ZNF578: variants seen among roughly 807,000 people sequenced by gnomAD.
ZNF578 encodes the protein zinc finger protein 578.
ZNF578 carries 8 observed loss-of-function variants against 8.3 expected under a neutral mutation model. That is an observed-to-expected ratio of 0.96 (90% CI 0.56 to 1.74). ZNF578 has a LOEUF of 1.74. Among genes scored for constraint, ZNF578 ranks in the 40% most tolerant of loss-of-function variants. The probability of loss-of-function intolerance (pLI) is 0.00; values close to 1 mark genes in which losing one functional copy is unlikely to be tolerated. For missense variants in ZNF578, 726 were observed against 707.5 expected (o/e 1.03, Z -0.30); for synonymous variants, 206 against 232.2 (o/e 0.89, Z 1.03).
intron 2 of ZNF578, among the ~76,000 whole-genome samples, chr19:52,460,313 A>G: frequency 2.6e-5 from 1 of 38,494 alleles, no homozygotes; most frequent in African/African-American, 4.4e-5. Flanking sequence ...CCTCTCCAAC[A>G]CTTTTTTTTT....
At chr19:52,455,193 C>CTTTTTTTTTTTTT (rs10607252) in intron 1 of ZNF578, 3 of 98,400 alleles carry the variant, frequency 3.0e-5, no homozygotes, top group African/African-American at 1.2e-4. Flanking sequence ...GCCTTTCTAT[C>CTTTTTTTTTTTTT]TTTTTTTTTT....
chr19:52,494,087 G>A (rs1443837958), intron 3 of ZNF578, among the ~76,000 whole-genome samples: 2 of 151,634 alleles, frequency 1.3e-5, no homozygotes, highest in Non-Finnish European at 2.9e-5. Context: ...GGAGAGGAGA[G>A]GGGTACAAAA....
rs1171598976 is a variant in ZNF578, at chr19:52,511,779, G to A, written c.1398G>A (p.Gln466=). The A allele has an allele frequency of 1.9e-6, 3 of 1,610,882 alleles. No individual in the cohort carries two copies. In the East Asian group the frequency reaches 6.8e-5, roughly 36 times the overall value. ...AAGAATGTGACAGAGTTTTCAGTCA[G>A]AAATCAAACCTTGAGAGACACAAGA... ...KCEECDRVFS[Q]KSNLERHKII... The change falls in exon 6 of 6, where the codon CAG becomes CAA. Residue 466 remains glutamine (Q), a synonymous_variant. Transcript: ENST00000421239.
chr19:52,502,022 C>G, intron 4 of ZNF578, 114 bp downstream of exon 4: 1 of 1,482,188 alleles, frequency 6.7e-7, no homozygotes, highest in South Asian at 1.3e-5. Flanking sequence ...GAGTCTGAAG[C>G]ATTTTGCCTG....
At chr19:52,486,906 G>A (rs1193682997) in intron 2 of ZNF578, among the ~76,000 whole-genome samples, 2 of 151,786 alleles carry the variant, frequency 1.3e-5, no homozygotes, top group Non-Finnish European at 2.9e-5. Flanking sequence ...GGGAAGAAAG[G>A]GATAAACGGC....
chr19:52,479,527 A>G (rs1318980828), intron 2 of ZNF578, among the ~76,000 whole-genome samples: 1 of 135,574 alleles, frequency 7.4e-6, no homozygotes, highest in East Asian at 2.5e-4. Context: ...TGGGAGACAG[A>G]GCGAGACTCC....
rs2059444329 is a variant in ZNF578 at position 52,511,200 on chromosome 19, C to T, written c.819C>T (p.Tyr273=). ...ICGKVFNEKR[Y]LARHRRCHTS... is the part of the protein sequence containing the mutation. ...GCAAAGTCTTTAATGAGAAGCGATA[C>T]CTTGCACGCCATCGTAGATGTCACA... Residue 273 remains tyrosine, a synonymous_variant, in exon 6 of 6, where the codon TAC becomes TAT. Coordinates refer to ENST00000421239, the MANE Select transcript of ZNF578 (RefSeq NM_001099694.2). The T allele has an allele frequency of 3.7e-6, 6 of 1,614,090 alleles. No individual in the cohort carries two copies. The highest frequency in any genetic ancestry group is 5.1e-6 in the Non-Finnish European group (6 of 1,180,046).
At chr19:52,460,441 T>G (rs1380211949) in intron 2 of ZNF578, among the ~76,000 whole-genome samples, 1 of 152,208 alleles carries the variant, frequency 6.6e-6, no homozygotes, top group Non-Finnish European at 1.5e-5. Context: ...TTGGCCATAT[T>G]GTCATCTTCT....
chr19:52,486,345 G>A (rs1037948843), intron 2 of ZNF578, among the ~76,000 whole-genome samples: 3 of 152,174 alleles, frequency 2.0e-5, no homozygotes, highest in African/African-American at 7.2e-5. Context: ...AGGGAACTCA[G>A]AGACCAGTGC....
At chr19:52,502,397 T>G (rs1303702147) in intron 4 of ZNF578, among the ~76,000 whole-genome samples, 1 of 152,150 alleles carries the variant, frequency 6.6e-6, no homozygotes, top group Admixed American at 6.6e-5. Flanking sequence ...GCCACACTAG[T>G]AGATCAAGAT....
chr19:52,478,980 C>T (rs890249956), intron 2 of ZNF578, among the ~76,000 whole-genome samples: 7 of 151,610 alleles, frequency 4.6e-5, no homozygotes, highest in African/African-American at 1.7e-4. Context: ...TCCCAAAGTG[C>T]TGGGATTACA....
chr19:52,481,289 G>C (rs1215784561), intron 2 of ZNF578, among the ~76,000 whole-genome samples: 1 of 152,162 alleles, frequency 6.6e-6, no homozygotes, highest in Non-Finnish European at 1.5e-5. Context: ...TCCTATCCCT[G>C]TGTATGGGTG....
rs754822116 is a variant in ZNF578 at position 52,510,843 on chromosome 19, T to A, written c.462T>A (p.Asp154Glu). 2 of 1,614,198 alleles carry A rather than the reference T, an allele frequency of 1.2e-6. No individual in the cohort carries two copies. The highest frequency in any genetic ancestry group is 4.5e-5 in the East Asian group (2 of 44,876). ...ATGCTGGAAACAAGCCTATTAAAGATCAGCTTGGATTAAGCTTTCATTTGC... is the reference window on the plus strand; with the variant it reads ...ATGCTGGAAACAAGCCTATTAAAGAACAGCTTGGATTAAGCTTTCATTTGC... The part of the protein sequence containing the change: ...QRHAGNKPIK[D>E]QLGLSFHLHL... The change falls in exon 6 of 6, where the codon GAT (aspartate) becomes GAA (glutamate). Residue 154 changes from aspartate (D) to glutamate (E), a missense_variant. Coordinates refer to ENST00000421239, the MANE Select transcript of ZNF578 (RefSeq NM_001099694.2).
chr19:52,468,670 A>G (rs1338550588), intron 2 of ZNF578, among the ~76,000 whole-genome samples: 4 of 152,234 alleles, frequency 2.6e-5, no homozygotes, highest in Admixed American at 1.3e-4. Context: ...CATTTGAGTC[A>G]GTGGACTAGG....
intron 2 of ZNF578, among the ~76,000 whole-genome samples, chr19:52,460,923 A>G (rs993929107): frequency 1.3e-5 from 2 of 152,164 alleles, no homozygotes; most frequent in African/African-American, 4.8e-5. Flanking sequence ...CACCGTTGCT[A>G]TCATGGCTTG....
Position 52,513,166 on chromosome 19 carries a change from A to G in ZNF578, c.*1012A>G, listed in dbSNP as rs2059456480. The stretch of plus-strand genomic sequence containing the variant: ...CTCCCTAGTTGCTGGGATTACAGGT[A>G]TATGCCACGACGCCTGGCTAATTTT... On this transcript the variant is annotated 3_prime_UTR_variant, in exon 6 of 6. Coordinates refer to ENST00000421239, the MANE Select transcript of ZNF578 (RefSeq NM_001099694.2). Among the ~76,000 whole-genome samples the G allele has an allele frequency of 6.6e-6, 1 of 151,902 alleles. No homozygotes were observed. The highest frequency in any genetic ancestry group is 6.6e-5 in the Admixed American group (1 of 15,236).
rs1266252004 is a variant in ZNF578, at chr19:52,512,807, G to C, written c.*653G>C. On this transcript the variant is annotated 3_prime_UTR_variant, in exon 6 of 6. Coordinates refer to ENST00000421239, the MANE Select transcript of ZNF578 (RefSeq NM_001099694.2). ...AAACCATCAAGCATTAATTGACATT[G>C]GAGTCAATTCAGCATTGACTTGAGT... Among the ~76,000 whole-genome samples, 2 of 152,154 alleles carry C rather than the reference G, an allele frequency of 1.3e-5. No individual in the cohort carries two copies. The highest frequency in any genetic ancestry group is 4.8e-5 in the African/African-American group (2 of 41,428).
intron 3 of ZNF578, among the ~76,000 whole-genome samples, chr19:52,496,767 AGTT>A (rs2059388367): frequency 6.6e-6 from 1 of 151,770 alleles, no homozygotes. Context: ...CCTCCTAAGT[AGTT>A]ATGATTACAG....
intron 2 of ZNF578, among the ~76,000 whole-genome samples, chr19:52,460,988 C>G (rs1408931330): frequency 6.6e-6 from 1 of 152,134 alleles, no homozygotes; most frequent in Non-Finnish European, 1.5e-5. Context: ...AGACTAAAAG[C>G]AAACAGCATA....
Sources: allele counts gnomAD v4.1 joint callset (sites outside exome capture counted in the v4.1 genomes callset), GRCh38; gene constraint gnomAD v4.1.1; transcripts MANE v1.5; gene names NCBI Gene and HGNC (gene_info 2026-07-23, HGNC 2026-07-21).